Variants in LRP5 observed in about 807,000 individuals in gnomAD.
LRP5 encodes low-density lipoprotein receptor-related protein 5.
A neutral mutation model predicts 154.1 loss-of-function variants in LRP5; 62 were observed. The ratio of observed to expected loss-of-function variants is 0.40; its 90% CI spans 0.33 to 0.50. The LOEUF (loss-of-function observed/expected upper bound fraction) is 0.50. LRP5 is among the 20% of genes least tolerant of loss of function. The probability of loss-of-function intolerance (pLI) is 0.55; values close to 1 mark genes in which losing one functional copy is unlikely to be tolerated. For missense variants in LRP5, 1,915 were observed against 2,336.7 expected (o/e 0.82, Z 3.72); for synonymous variants, 966 against 1,011.5 (o/e 0.96, Z 0.85).
intron 3 of LRP5, among the ~76,000 whole-genome samples, chr11:68,358,472 G>A (rs1456775748): frequency 6.6e-6 from 1 of 152,200 alleles, no homozygotes; most frequent in African/African-American, 2.4e-5. Flanking sequence ...TCTTCAGAGC[G>A]TTTTGGATTT....
At chr11:68,373,883 C>G (rs2153145407) in intron 5 of LRP5, among the ~76,000 whole-genome samples, 1 of 152,302 alleles carries the variant, frequency 6.6e-6, no homozygotes, top group African/African-American at 2.4e-5. Context: ...CTGCACATCC[C>G]TCCTGCTTGG....
Position 68,446,507 on chromosome 11 carries a change from C to A in LRP5, c.4560C>A (p.Asn1520Lys). 3.7e-6 allele frequency: 6 copies of A among 1,614,134 alleles called. No individual in the cohort carries two copies. Among genetic ancestry groups the A allele is most frequent in the Non-Finnish European group, 5.1e-6 (6 of 1,179,984 alleles). ...ACATGGACATGTTCTACTCTTCAAA[C>A]ATTCCGGCCACTGCGAGACCGTACA... ...LYNMDMFYSS[N>K]IPATARPYRP... Residue 1520 changes from asparagine (N) to lysine (K), a missense_variant, in exon 22 of 23, where the codon AAC (asparagine) becomes AAA (lysine). Coordinates refer to ENST00000294304, the MANE Select transcript of LRP5 (RefSeq NM_002335.4).
At chr11:68,431,503 G>A (rs1251174159) in intron 17 of LRP5, among the ~76,000 whole-genome samples, 2 of 152,102 alleles carry the variant, frequency 1.3e-5, no homozygotes, top group Admixed American at 1.3e-4. Flanking sequence ...GCCTCCCAAA[G>A]TGCAGGGATT....
At chr11:68,372,351 G>T (rs2153144260) in intron 5 of LRP5, among the ~76,000 whole-genome samples, 1 of 130,928 alleles carries the variant, frequency 7.6e-6, no homozygotes, top group East Asian at 2.5e-4. Context: ...GTGGTGGTGA[G>T]GAGGTGCAGT....
At chr11:68,361,404 A>G (rs2153138093) in intron 3 of LRP5, among the ~76,000 whole-genome samples, 1 of 152,240 alleles carries the variant, frequency 6.6e-6, no homozygotes, top group Non-Finnish European at 1.5e-5. Flanking sequence ...TGGGAGGCCA[A>G]GGCAGGTGGA....
Position 68,338,149 on chromosome 11 carries a change from A to G in LRP5, c.92-9698A>G, listed in dbSNP as rs577355765. Among the ~76,000 whole-genome samples, 25 of 152,174 alleles carry G rather than the reference A, an allele frequency of 1.6e-4. No individual in the cohort carries two copies. In the East Asian group the frequency reaches 2.9e-3, roughly 18 times the overall value. Reference sequence around the variant, plus strand: ...GGCACTGGACGCAGGATCATTCCTGACTGATTAATCTCTAGCTTGTGTCCA... The same window carrying G: ...GGCACTGGACGCAGGATCATTCCTGGCTGATTAATCTCTAGCTTGTGTCCA... On this transcript the variant is annotated intron_variant, in intron 1 of 22. Coordinates refer to ENST00000294304, the MANE Select transcript of LRP5 (RefSeq NM_002335.4).
At chr11:68,425,060 C>A in intron 14 of LRP5, 42 bp from the exon 15 acceptor site, 1 of 1,586,558 alleles carries the variant, frequency 6.3e-7, no homozygotes, top group Non-Finnish European at 8.6e-7. Flanking sequence ...TCCGAGGAGA[C>A]GCCATCCCCA....
intron 19 of LRP5, among the ~76,000 whole-genome samples, chr11:68,438,230 T>A (rs1591327854): frequency 6.7e-6 from 1 of 150,330 alleles, no homozygotes; most frequent in South Asian, 2.1e-4. Flanking sequence ...GCGGCGGGGG[T>A]CAGAGGAGGA....
rs749317662 is a variant in LRP5 at position 68,365,706 on chromosome 11, A to G, written c.1015+4A>G. On this transcript the variant is annotated splice_donor_region_variant and intron_variant, in intron 5 of 22. Transcript: ENST00000294304. ...AACGGCAGGACGTGTAAGGCAGGTG[A>G]GGCGGTGGGACGGGACGGGGCGGGC... 1.6e-5 allele frequency: 3 copies of G among 190,596 alleles called. No homozygotes were observed. Among genetic ancestry groups the G allele is most frequent in the African/African-American group, 2.7e-4 (2 of 7,536 alleles). 11.8% of individuals were successfully genotyped at this position (190,596 alleles called of 1,614,324 possible).
chr11:68,420,370 A>T (rs1484925148), intron 13 of LRP5, among the ~76,000 whole-genome samples: 2 of 152,144 alleles, frequency 1.3e-5, no homozygotes, highest in Non-Finnish European at 2.9e-5. Flanking sequence ...TCTGTGTTAT[A>T]GCCTGTGTCA....
chr11:68,372,957 C>A (rs1315661447), intron 5 of LRP5, among the ~76,000 whole-genome samples: 2 of 152,014 alleles, frequency 1.3e-5, no homozygotes, highest in South Asian at 2.1e-4. Context: ...TAAGACACAT[C>A]CAGAGTCCCC....
intron 5 of LRP5, among the ~76,000 whole-genome samples, chr11:68,374,788 T>G (rs1052168459): frequency 1.3e-5 from 2 of 152,176 alleles, no homozygotes; most frequent in African/African-American, 4.8e-5. Flanking sequence ...CTTCTGCTTT[T>G]TGGCCTGAAT....
In LRP5 at chr11:68,403,264, CAAACAAA is replaced by C. The variant is rs201168780; in HGVS notation, c.1585-211_1585-205del. Among the ~76,000 whole-genome samples, 942 of 152,182 alleles carry C rather than the reference CAAACAAA, an allele frequency of 6.2e-3. 11 individuals carry two copies. Among genetic ancestry groups the C allele is most frequent in the African/African-American group, 0.021 (892 of 41,518 alleles). On this transcript the variant is annotated intron_variant, in intron 7 of 22. Coordinates refer to ENST00000294304, the MANE Select transcript of LRP5 (RefSeq NM_002335.4). ...TGTCTCAAAATCTCAAACAAACAAA[CAAACAAA>C]AAACAAACAAACAAAGCGTCATTTA...
At chr11:68,345,768 C>A (rs2098612387) in intron 1 of LRP5, among the ~76,000 whole-genome samples, 1 of 152,198 alleles carries the variant, frequency 6.6e-6, no homozygotes, top group South Asian at 2.1e-4. Flanking sequence ...GTAGCTGCAC[C>A]ATTTCACATT....
intron 7 of LRP5, among the ~76,000 whole-genome samples, chr11:68,391,354 C>T (rs1442748482): frequency 6.6e-6 from 1 of 152,222 alleles, no homozygotes; most frequent in African/African-American, 2.4e-5. Flanking sequence ...ATTGAGGTGA[C>T]ATTGGTGCCT....
intron 1 of LRP5, among the ~76,000 whole-genome samples, chr11:68,341,366 C>T (rs1252336889): frequency 2.0e-5 from 3 of 152,134 alleles, no homozygotes; most frequent in Non-Finnish European, 4.4e-5. Flanking sequence ...ACACCCAGAA[C>T]TGAGGCTCCA....
At chr11:68,409,850 CAAA>C (rs371789773) in intron 9 of LRP5, 61 bp from the exon 10 acceptor site, 1,092 of 1,121,832 alleles carry the variant, frequency 9.7e-4, no homozygotes, top group Non-Finnish European at 1.2e-3. Context: ...AACTCCGTCT[CAAA>C]AAAAAAAAAA....
chr11:68,337,944 G>A (rs115807109), intron 1 of LRP5, among the ~76,000 whole-genome samples: 3,170 of 152,274 alleles, frequency 0.021, 106 homozygotes, highest in African/African-American at 0.073. Flanking sequence ...CCTGCAGTCA[G>A]CTTATCCATC....
the LRP5 span, among the ~76,000 whole-genome samples, chr11:68,299,633 A>G: frequency 1.5e-5 from 2 of 133,678 alleles, no homozygotes; most frequent in African/African-American, 2.9e-5. Context: ...CCCAGGCTGG[A>G]GTACAGTGGC....
Sources: allele counts gnomAD v4.1 joint callset (sites outside exome capture counted in the v4.1 genomes callset), GRCh38; gene constraint gnomAD v4.1.1; transcripts MANE v1.5; gene names NCBI Gene and HGNC (gene_info 2026-07-23, HGNC 2026-07-21).